UPRT: variants seen among roughly 807,000 people sequenced by gnomAD.
UPRT encodes uracil phosphoribosyltransferase homolog, also known as RP11-311P8.3.
Under a neutral mutation model 22.6 loss-of-function variants are expected in UPRT, and 5 were observed. The ratio of observed to expected loss-of-function variants is 0.22; its 90% CI spans 0.12 to 0.47. The LOEUF is 0.47. Among genes scored for constraint, UPRT ranks in the 20% least tolerant of loss-of-function variants. UPRT has a pLI of 0.99. For missense variants in UPRT, 181 were observed against 239.9 expected (o/e 0.75, Z 1.62); for synonymous variants, 77 against 87.7 (o/e 0.88, Z 0.68).
intron 1 of UPRT, among the ~76,000 whole-genome samples, chrX:75,160,232 T>C: frequency 8.9e-6 from 1 of 111,958 alleles, no homozygotes; most frequent in Middle Eastern, 4.6e-3. Flanking sequence ...TTCCTCTTCG[T>C]TTTCTAACCT....
At chrX:75,183,192 GC>G (rs2082276992) in intron 4 of UPRT, among the ~76,000 whole-genome samples, 1 of 109,570 alleles carries the variant, frequency 9.1e-6, no homozygotes, top group Non-Finnish European at 1.9e-5. Context: ...CCCACGACAA[GC>G]CCTGGTGTGT....
chrX:75,233,725 A>G (rs1360910409), intron 4 of UPRT, among the ~76,000 whole-genome samples: 1 of 111,095 alleles, frequency 9.0e-6, no homozygotes, highest in Non-Finnish European at 1.9e-5. Context: ...CTTTACAGAC[A>G]AGCAAATGCT....
chrX:75,264,562 T>C (rs1406722878), intron 4 of UPRT, among the ~76,000 whole-genome samples: 1 of 111,920 alleles, frequency 8.9e-6, no homozygotes, highest in Non-Finnish European at 1.9e-5. Context: ...CTTTTTTTGT[T>C]TTCCATTTGC....
chrX:75,270,634 T>C (rs1296875334), upstream of UPRT, among the ~76,000 whole-genome samples: 1 of 111,644 alleles, frequency 9.0e-6, no homozygotes, highest in African/African-American at 3.3e-5. Context: ...GGAACCATCA[T>C]TCTCAGCAAA....
chrX:75,192,473 G>A (rs1278692227), intron 4 of UPRT, among the ~76,000 whole-genome samples: 2 of 111,100 alleles, frequency 1.8e-5, no homozygotes, highest in Non-Finnish European at 3.8e-5. Flanking sequence ...ATGTCTATTA[G>A]GTCTATTTGT....
At chrX:75,256,640 A>T (rs143996139) in intron 4 of UPRT, among the ~76,000 whole-genome samples, 3,765 of 112,151 alleles carry the variant, frequency 0.034, 65 homozygotes, top group Middle Eastern at 0.088. Flanking sequence ...GCCAAGAAAA[A>T]AAAAGAGAAA....
rs1185994894 is a variant in UPRT, at chrX:75,304,682, A to G, written c.*1171A>G. 1 of 111,771 alleles carries G rather than the reference A, an allele frequency of 8.9e-6. No individual in the cohort carries two copies. The highest frequency in any genetic ancestry group is 1.9e-5 in the Non-Finnish European group (1 of 53,199). The allele number at this position is 111,771 out of a possible 1,213,427, so 9.2% of individuals were successfully genotyped here. A position where few individuals can be genotyped will look rare whatever the true frequency, so the allele number is the denominator to read the frequency against. On this transcript the variant is annotated 3_prime_UTR_variant, in exon 7 of 7. Coordinates refer to ENST00000373383, the MANE Select transcript of UPRT (RefSeq NM_145052.4). ...TGGGCCTCTGTTCAAAAGCACAGAAAAGAGCAGAAGGAAATGTCTTAGAAA... is the reference window on the plus strand; with the variant it reads ...TGGGCCTCTGTTCAAAAGCACAGAAGAGAGCAGAAGGAAATGTCTTAGAAA...
At position 75,296,515 on chromosome X, in the gene UPRT, A is replaced by C. The variant is rs2082726306; in HGVS notation, c.499+104A>C. On this transcript the variant is annotated intron_variant, in intron 3 of 6. Coordinates refer to ENST00000373383, the MANE Select transcript of UPRT (RefSeq NM_145052.4). ...TAAGTAAAATAAATATGCAAAATGAAGGGCTAGGTGGAGCTATTCTTTTAA... is the reference window on the plus strand; with the variant it reads ...TAAGTAAAATAAATATGCAAAATGACGGGCTAGGTGGAGCTATTCTTTTAA... 2.9e-5 allele frequency: 19 copies of C among 659,641 alleles called. 1 individual carries two copies. In the South Asian group the frequency reaches 4.0e-4, roughly 14 times the overall value. 54.4% of individuals were successfully genotyped at this position (659,641 alleles called of 1,213,427 possible).
intron 4 of UPRT, among the ~76,000 whole-genome samples, chrX:75,232,683 C>A (rs2082443066): frequency 8.9e-6 from 1 of 112,086 alleles, no homozygotes; most frequent in Admixed American, 9.5e-5. Flanking sequence ...CAGACTGACA[C>A]CTCACACGGC....
chrX:75,229,405 T>C (rs1015137548), intron 4 of UPRT, among the ~76,000 whole-genome samples: 3 of 111,648 alleles, frequency 2.7e-5, no homozygotes, highest in Non-Finnish European at 5.6e-5. Flanking sequence ...GAAGATGAGA[T>C]ATACATTTAA....
At chrX:75,201,573 C>G in intron 4 of UPRT, 1 of 116,792 alleles carries the variant, frequency 8.6e-6, no homozygotes, top group South Asian at 3.4e-4. Context: ...ATAACCAGAG[C>G]ACTCTATGAA....
chrX:75,239,523 A>G (rs2082481349), intron 4 of UPRT, among the ~76,000 whole-genome samples: 1 of 111,716 alleles, frequency 9.0e-6, no homozygotes, highest in African/African-American at 3.3e-5. Context: ...GCAAGCCTTG[A>G]AAGAAGAATT....
intron 4 of UPRT, among the ~76,000 whole-genome samples, chrX:75,250,688 G>A (rs2082526122): frequency 9.0e-6 from 1 of 111,114 alleles, no homozygotes. Context: ...AGAAAAAGAG[G>A]GAATCCTCCC....
chrX:75,180,599 G>A (rs1014530526), intron 4 of UPRT, among the ~76,000 whole-genome samples: 2 of 107,140 alleles, frequency 1.9e-5, no homozygotes, highest in Non-Finnish European at 1.9e-5. Flanking sequence ...CATGATATGA[G>A]TCTCCACACT....
At chrX:75,218,789 C>A (rs1201515876) in intron 4 of UPRT, among the ~76,000 whole-genome samples, 1 of 105,146 alleles carries the variant, frequency 9.5e-6, no homozygotes, top group Non-Finnish European at 1.9e-5. Flanking sequence ...ATTGCAAGAA[C>A]AAAAAACCAA....
chrX:75,209,981 C>A (rs187242147), intron 4 of UPRT, among the ~76,000 whole-genome samples: 32 of 112,074 alleles, frequency 2.9e-4, no homozygotes, highest in African/African-American at 9.7e-4. Flanking sequence ...TTAAAAATTT[C>A]TTTCGGATGT....
intron 4 of UPRT, among the ~76,000 whole-genome samples, chrX:75,187,809 C>A (rs1252070619): frequency 8.9e-6 from 1 of 112,171 alleles, no homozygotes. Flanking sequence ...TTCCAGTTGA[C>A]CGCATCAGCT....
chrX:75,257,227 T>C (rs183147543), intron 4 of UPRT, among the ~76,000 whole-genome samples: 25 of 112,141 alleles, frequency 2.2e-4, no homozygotes, highest in African/African-American at 6.8e-4. Flanking sequence ...TGCAAGTAGA[T>C]AAATGTGATA....
At chrX:75,283,229 T>C (rs919027388) in intron 1 of UPRT, among the ~76,000 whole-genome samples, 25 of 112,171 alleles carry the variant, frequency 2.2e-4, no homozygotes, top group Non-Finnish European at 3.9e-4. Flanking sequence ...TTATCCATTC[T>C]GCGGTTTTGT....
Sources: gnomAD v4.1 joint callset for allele counts (sites outside exome capture counted in the v4.1 genomes callset) on GRCh38, gnomAD v4.1.1 for gene constraint, MANE v1.5 for transcripts, NCBI Gene and HGNC (gene_info 2026-07-23, HGNC 2026-07-21) for gene names.